Variants in GSAP observed in about 807,000 individuals in gnomAD.
GSAP encodes gamma-secretase-activating protein.
A neutral mutation model predicts 131.7 loss-of-function variants in GSAP; 118 were observed. That is an observed-to-expected ratio of 0.90 (90% CI 0.77 to 1.04). The LOEUF (loss-of-function observed/expected upper bound fraction) is 1.04, where lower values mean the gene tolerates loss of function less well. Ranked by LOEUF, GSAP falls within the 50% of genes least tolerant of loss-of-function variation. GSAP has a pLI of 0.00. For missense variants in GSAP, 1,019 were observed against 1,013.2 expected (o/e 1.01, Z -0.08); for synonymous variants, 381 against 363.4 (o/e 1.05, Z -0.55).
At chr7:77,411,213 TC>T (rs1370829718) in intron 1 of GSAP, among the ~76,000 whole-genome samples, 2 of 151,810 alleles carry the variant, frequency 1.3e-5, no homozygotes, top group African/African-American at 4.8e-5. Flanking sequence ...CTTGAATCAG[TC>T]ACTTGGTAAA....
chr7:77,320,894 T>A lies in GSAP; in HGVS notation c.1995-75A>T, dbSNP rs899889531. On this transcript the variant is annotated intron_variant, in intron 25 of 30. Coordinates refer to ENST00000257626, the MANE Select transcript of GSAP (RefSeq NM_017439.4). Reference sequence around the variant, plus strand: ...TGCTCCATTTGTCCTAAGCAGTGGCTTTGAGTACTACACAAGGGTTCATGC... The same window carrying A: ...TGCTCCATTTGTCCTAAGCAGTGGCATTGAGTACTACACAAGGGTTCATGC... 8.1e-6 allele frequency: 7 copies of A among 869,448 alleles called. No individual in the cohort carries two copies. In the African/African-American group the frequency reaches 8.3e-5, roughly 10 times the overall value. The allele number at this position is 869,448 out of a possible 1,614,324, so 53.9% of individuals were successfully genotyped here. A position where few individuals can be genotyped will look rare whatever the true frequency, so the allele number is the denominator to read the frequency against.
At chr7:77,366,928 C>T (rs2150952337) in intron 12 of GSAP, among the ~76,000 whole-genome samples, 1 of 152,262 alleles carries the variant, frequency 6.6e-6, no homozygotes, top group Non-Finnish European at 1.5e-5. Flanking sequence ...TTGTAGACAT[C>T]TTTAACTTCC....
At chr7:77,318,812 A>G (rs1009062316) in intron 26 of GSAP, among the ~76,000 whole-genome samples, 2 of 151,876 alleles carry the variant, frequency 1.3e-5, no homozygotes, top group Non-Finnish European at 2.9e-5. Context: ...GATTCCTTGA[A>G]TATGACATCC....
At chr7:77,407,088 C>A (rs143670825) in intron 1 of GSAP, among the ~76,000 whole-genome samples, 1 of 152,142 alleles carries the variant, frequency 6.6e-6, no homozygotes, top group Non-Finnish European at 1.5e-5. Flanking sequence ...CACACCAAGT[C>A]GGATTTGGGG....
chr7:77,311,413 G>A lies in GSAP; in HGVS notation c.2510C>T (p.Ala837Val). ...CAGAGCTGCTTCCTCTACAAATTCT[G>A]CATCCACATTGTCATGTCCTTCAAA... ...YPFEGHDNVD[A>V]EFVEEAALKH... The change falls in exon 31 of 31, where the codon GCA becomes GTA. Residue 837 changes from alanine (A) to valine (V), a missense_variant. Ala to Val is a moderately conservative substitution (Grantham distance 64). Coordinates refer to ENST00000257626, the MANE Select transcript of GSAP (RefSeq NM_017439.4). 1 of 1,612,172 alleles carries A rather than the reference G, an allele frequency of 6.2e-7. No individual in the cohort carries two copies. Among genetic ancestry groups the A allele is most frequent in the South Asian group, 1.1e-5 (1 of 91,056 alleles).
At chr7:77,381,199 T>G (rs1797742424) in intron 8 of GSAP, 106 bp downstream of exon 8, 3 of 528,352 alleles carry the variant, frequency 5.7e-6, no homozygotes, top group Non-Finnish European at 9.9e-6. Flanking sequence ...AGTCATCAAA[T>G]AAAGAAAACA....
chr7:77,337,395 G>C (rs893884792), intron 19 of GSAP, among the ~76,000 whole-genome samples: 1 of 152,016 alleles, frequency 6.6e-6, no homozygotes, highest in Non-Finnish European at 1.5e-5. Flanking sequence ...GGCTGGTCTC[G>C]AACTCCTGGC....
intron 22 of GSAP, 97 bp downstream of exon 22, chr7:77,328,509 A>T (rs2868727): frequency 0.053 from 80,495 of 1,530,478 alleles, 2,570 homozygotes; most frequent in African/African-American, 0.11. Flanking sequence ...CACTACTGGA[A>T]GTGATTCTCT....
chr7:77,328,647 A>C lies in GSAP; in HGVS notation c.1734-10T>G, dbSNP rs748258470. 6.6e-7 allele frequency: 1 copy of C among 1,523,818 alleles called. No homozygotes were observed. Among genetic ancestry groups the C allele is most frequent in the East Asian group, 2.3e-5 (1 of 44,330 alleles). The allele number at this position is 1,523,818 out of a possible 1,614,324, so 94.4% of individuals were successfully genotyped here. Reference sequence around the variant, plus strand: ...TAGGTTAGAAATCACCCTACGAAGAAATTAGCCATGTTATTCACAGACAGC... The same window carrying C: ...TAGGTTAGAAATCACCCTACGAAGACATTAGCCATGTTATTCACAGACAGC... On this transcript the variant is annotated splice_polypyrimidine_tract_variant and intron_variant, in intron 21 of 30. Coordinates refer to ENST00000257626, the MANE Select transcript of GSAP (RefSeq NM_017439.4).
chr7:77,387,198 C>T (rs1798700745), intron 6 of GSAP, among the ~76,000 whole-genome samples, 162 bp downstream of exon 6: 2 of 152,154 alleles, frequency 1.3e-5, no homozygotes, highest in Non-Finnish European at 2.9e-5. Context: ...TTCTTAATTT[C>T]CATGCTTGCA....
At chr7:77,376,372 G>C (rs537470803) in intron 10 of GSAP, among the ~76,000 whole-genome samples, 1 of 152,328 alleles carries the variant, frequency 6.6e-6, no homozygotes, top group Non-Finnish European at 1.5e-5. Context: ...ATTTGTTATA[G>C]AGTGGAAACC....
chr7:77,404,608 T>A lies in GSAP; in HGVS notation c.194A>T (p.Lys65Met). Reference sequence around the variant, plus strand: ...ATATAATCCAAAGACGACATTTCCCTTATCATCCTAAAAAAAATTAACCAG... The same window carrying A: ...ATATAATCCAAAGACGACATTTCCCATATCATCCTAAAAAAAATTAACCAG... ...GNIIYTYKDD[K>M]GNVVFGLYDC... Residue 65 changes from lysine (K) to methionine (M), a missense_variant, in exon 3 of 31, where the codon AAG becomes ATG. Lys to Met is a moderately conservative substitution (Grantham distance 95). Transcript: ENST00000257626. 6.5e-7 allele frequency: 1 copy of A among 1,533,464 alleles called. No homozygotes were observed. Among genetic ancestry groups the A allele is most frequent in the Non-Finnish European group, 9.0e-7 (1 of 1,109,686 alleles). 95.0% of individuals were successfully genotyped at this position (1,533,464 alleles called of 1,614,324 possible).
At chr7:77,379,796 A>G in intron 8 of GSAP, 1 of 870,708 alleles carries the variant, frequency 1.1e-6, no homozygotes, top group Non-Finnish European at 1.4e-6. Context: ...TTGTTCTCCC[A>G]TCTACTTAGC....
intron 18 of GSAP, chr7:77,351,707 G>C (rs185083646): frequency 5.9e-5 from 58 of 985,814 alleles, no homozygotes; most frequent in Non-Finnish European, 6.5e-5. Flanking sequence ...AGTGCAAAAG[G>C]GAAGCGTTAC....
At chr7:77,364,362 G>A (rs894872808) in intron 12 of GSAP, among the ~76,000 whole-genome samples, 4 of 151,926 alleles carry the variant, frequency 2.6e-5, no homozygotes, top group African/African-American at 9.7e-5. Context: ...TTTAGAGAAT[G>A]AAAGTTTTTC....
chr7:77,385,077 A>G (rs2151058595), intron 6 of GSAP, among the ~76,000 whole-genome samples: 1 of 145,056 alleles, frequency 6.9e-6, no homozygotes, highest in Admixed American at 7.1e-5. Flanking sequence ...TCTGTTGCCC[A>G]GGCTGGAGTG....
chr7:77,375,100 A>G lies in GSAP; in HGVS notation c.743T>C (p.Phe248Ser). Residue 248 changes from phenylalanine to serine, a missense_variant and splice_region_variant, in exon 11 of 31, where the codon TTT (phenylalanine) becomes TCT (serine). Coordinates refer to ENST00000257626, the MANE Select transcript of GSAP (RefSeq NM_017439.4). ...TAATGATATGTCCAAGGGTACTTCA[A>G]ACTGTCAAAAAAATCAAAGAAAATG... is the stretch of plus-strand genomic sequence containing the variant. ...FYADESYNLMFEVPLDISLSN... is the reference protein window; with the variant it reads ...FYADESYNLMSEVPLDISLSN... The G allele has an allele frequency of 6.4e-7, 1 of 1,557,218 alleles. No individual in the cohort carries two copies. The highest frequency in any genetic ancestry group is 8.8e-7 in the Non-Finnish European group (1 of 1,135,456).
intron 18 of GSAP, among the ~76,000 whole-genome samples, chr7:77,350,077 G>A (rs937754792): frequency 1.3e-5 from 2 of 151,874 alleles, no homozygotes; most frequent in African/African-American, 4.8e-5. Context: ...ACAACACCAT[G>A]GAATACTATG....
At chr7:77,362,546 T>C in intron 13 of GSAP, 37 bp downstream of exon 13, 1 of 1,108,080 alleles carries the variant, frequency 9.0e-7, no homozygotes, top group Non-Finnish European at 1.4e-6. Context: ...TGGAAAAAGT[T>C]ATTATGTAAA....
Sources: gnomAD v4.1 joint callset for allele counts (sites outside exome capture counted in the v4.1 genomes callset) on GRCh38, gnomAD v4.1.1 for gene constraint, MANE v1.5 for transcripts, NCBI Gene and HGNC (gene_info 2026-07-23, HGNC 2026-07-21) for gene names.